The following EPHA5 variants were observed in gnomAD, a reference collection of about 807,000 sequenced individuals.
EPHA5 encodes the protein ephrin type-A receptor 5.
Under a neutral mutation model 105.0 loss-of-function variants are expected in EPHA5, and 60 were observed. The observed-to-expected ratio is 0.57, with a 90% CI of 0.46 to 0.71. EPHA5 has a LOEUF of 0.71. EPHA5 is among the 30% of genes least tolerant of loss of function. The pLI is 0.00. For synonymous variants in EPHA5, 513 were observed against 449.1 expected (o/e 1.14, Z -1.80); for missense variants, 1,218 against 1,274.7 (o/e 0.96, Z 0.68).
At chr4:65,367,292 G>GA in intron 9 of EPHA5, 65 bp downstream of exon 9, 1 of 1,356,156 alleles carries the variant, frequency 7.4e-7, no homozygotes. Flanking sequence ...AGCCTGAAAA[G>GA]AAACTTAAAT....
intron 2 of EPHA5, among the ~76,000 whole-genome samples, chr4:65,636,760 C>G (rs1441418850): frequency 1.3e-5 from 2 of 151,968 alleles, no homozygotes; most frequent in Non-Finnish European, 2.9e-5. Flanking sequence ...TTTTGCACAT[C>G]TATAAAAAGA....
At chr4:65,632,930 C>A (rs539072619) in intron 2 of EPHA5, among the ~76,000 whole-genome samples, 1 of 151,746 alleles carries the variant, frequency 6.6e-6, no homozygotes, top group South Asian at 2.1e-4. Context: ...TGGAAAACAC[C>A]AGAAGTAGAA....
intron 4 of EPHA5, among the ~76,000 whole-genome samples, chr4:65,493,758 C>T (rs1326230823): frequency 6.6e-6 from 1 of 151,872 alleles, no homozygotes; most frequent in African/African-American, 2.4e-5. Flanking sequence ...CAAAGTACAG[C>T]TTCCCCCCTC....
chr4:65,644,024 T>C (rs1256233404), intron 1 of EPHA5, among the ~76,000 whole-genome samples: 1 of 152,020 alleles, frequency 6.6e-6, no homozygotes, highest in Non-Finnish European at 1.5e-5. Flanking sequence ...AGATAGTTGA[T>C]ATACTTAAGA....
chr4:65,389,077 T>G (rs1035645953), intron 8 of EPHA5, among the ~76,000 whole-genome samples: 2 of 152,054 alleles, frequency 1.3e-5, no homozygotes, highest in Non-Finnish European at 2.9e-5. Flanking sequence ...ATTAATAATT[T>G]AAGTGGCTGA....
chr4:65,447,788 T>G (rs551887254), intron 5 of EPHA5, among the ~76,000 whole-genome samples: 14 of 139,236 alleles, frequency 1.0e-4, no homozygotes, highest in African/African-American at 3.5e-4. Context: ...TTTACCCTTA[T>G]CTGACCAAAA....
intron 3 of EPHA5, among the ~76,000 whole-genome samples, chr4:65,508,345 G>T (rs756665462): frequency 6.6e-6 from 1 of 152,006 alleles, no homozygotes; most frequent in Non-Finnish European, 1.5e-5. Flanking sequence ...TGTGGTTAAC[G>T]CAATAAAACT....
intron 1 of EPHA5, among the ~76,000 whole-genome samples, chr4:65,648,811 G>T (rs1353651391): frequency 2.0e-5 from 3 of 152,172 alleles, no homozygotes; most frequent in African/African-American, 7.2e-5. Context: ...CAGCTGTCCA[G>T]CCTCTCTCCA....
chr4:65,390,953 T>A (rs1374241171), intron 8 of EPHA5, among the ~76,000 whole-genome samples: 2 of 152,070 alleles, frequency 1.3e-5, no homozygotes, highest in South Asian at 2.1e-4. Context: ...ACCGGGTAAT[T>A]TATAAGAGAA....
At chr4:65,656,709 G>A (rs1209483769) in intron 1 of EPHA5, among the ~76,000 whole-genome samples, 2 of 150,586 alleles carry the variant, frequency 1.3e-5, no homozygotes, top group East Asian at 2.0e-4. Context: ...AACCTCCCAG[G>A]GCTCAGGTTA....
chr4:65,441,773 T>C (rs62298044), intron 5 of EPHA5, among the ~76,000 whole-genome samples: 16,514 of 152,096 alleles, frequency 0.11, 1,228 homozygotes, highest in Middle Eastern at 0.26. Context: ...ATTGAAGGTA[T>C]CAGAAAAAAA....
intron 1 of EPHA5, among the ~76,000 whole-genome samples, chr4:65,646,980 T>G (rs1016692651): frequency 2.0e-4 from 31 of 152,046 alleles, no homozygotes; most frequent in Admixed American, 2.0e-3. Context: ...ACTACTGTAA[T>G]CAATGCCTCC....
At chr4:65,568,991 AG>A (rs1739843305) in intron 3 of EPHA5, among the ~76,000 whole-genome samples, 1 of 151,070 alleles carries the variant, frequency 6.6e-6, no homozygotes, top group Non-Finnish European at 1.5e-5. Flanking sequence ...GCATAATAAC[AG>A]AGAAAATGCT....
At chr4:65,416,703 T>C (rs114753077) in intron 6 of EPHA5, among the ~76,000 whole-genome samples, 4,913 of 152,292 alleles carry the variant, frequency 0.032, 275 homozygotes, top group African/African-American at 0.11. Flanking sequence ...TAACGTTATG[T>C]ATGTCTCAGT....
intron 2 of EPHA5, among the ~76,000 whole-genome samples, chr4:65,636,519 A>ATT (rs372209600): frequency 2.0e-5 from 3 of 147,534 alleles, no homozygotes; most frequent in African/African-American, 7.4e-5. Context: ...ACTGAATCTC[A>ATT]TTTTTTTTTT....
At chr4:65,614,997 T>A (rs1464824070) in intron 2 of EPHA5, among the ~76,000 whole-genome samples, 1 of 151,778 alleles carries the variant, frequency 6.6e-6, no homozygotes, top group Admixed American at 6.6e-5. Context: ...TACAAGTATA[T>A]AATAAAGAAA....
intron 3 of EPHA5, among the ~76,000 whole-genome samples, chr4:65,532,497 G>A (rs1413718155): frequency 6.6e-6 from 1 of 151,482 alleles, no homozygotes; most frequent in Non-Finnish European, 1.5e-5. Context: ...ACACTATTTT[G>A]AAGTTTTATG....
intron 13 of EPHA5, 53 bp from the exon 14 acceptor site, chr4:65,348,256 G>T: frequency 6.6e-7 from 1 of 1,514,410 alleles, no homozygotes. Flanking sequence ...ATGTGCCTAG[G>T]GACAGTGTTG....
At chr4:65,544,521 A>C (rs1253217790) in intron 3 of EPHA5, among the ~76,000 whole-genome samples, 3 of 152,104 alleles carry the variant, frequency 2.0e-5, no homozygotes, top group African/African-American at 7.2e-5. Context: ...TCAAAGCCAC[A>C]ATGAGATACC....
Sources: gnomAD v4.1 joint callset for allele counts (sites outside exome capture counted in the v4.1 genomes callset) on GRCh38, gnomAD v4.1.1 for gene constraint, MANE v1.5 for transcripts, NCBI Gene and HGNC (gene_info 2026-07-23, HGNC 2026-07-21) for gene names.